Variants in RSF1 observed in about 807,000 individuals in gnomAD.
RSF1 encodes HBV pX-associated protein 8.
A neutral mutation model predicts 145.2 loss-of-function variants in RSF1; 13 were observed. The ratio of observed to expected loss-of-function variants is 0.09; its 90% CI spans 0.06 to 0.14. The LOEUF is 0.14. Ranked by LOEUF, RSF1 falls within the 10% of genes least tolerant of loss-of-function variation. The pLI is 1.00. For synonymous variants in RSF1, 577 were observed against 592.6 expected, an observed-to-expected ratio of 0.97 and a Z score of 0.38; for missense variants, 1,517 against 1,718.2, an observed-to-expected ratio of 0.88 and a Z score of 2.07.
At chr11:77,829,438 A>T in the RSF1 span, among the ~76,000 whole-genome samples, 8 of 152,194 alleles carry the variant, frequency 5.3e-5, no homozygotes, top group African/African-American at 1.9e-4. Flanking sequence ...CAGAATGGAG[A>T]CTCACATATA....
At position 77,662,177 on chromosome 11, in the gene RSF1, C is replaced by T. The variant is rs977739443; in HGVS notation, c.*4740G>A. 5 of 151,970 alleles carry T rather than the reference C, an allele frequency of 3.3e-5. No individual in the cohort carries two copies. Among genetic ancestry groups the T allele is most frequent in the African/African-American group, 1.2e-4 (5 of 41,372 alleles). 9.4% of individuals were successfully genotyped at this position (151,970 alleles called of 1,614,324 possible). A position where few individuals can be genotyped will look rare whatever the true frequency, so the allele number is the denominator to read the frequency against. On this transcript the variant is annotated 3_prime_UTR_variant, in exon 16 of 16. Transcript: ENST00000308488. ...TTCTACTCATCTATTGTTATGCCCT[C>T]TTATATAACTTATGTATAGGATAGT... is the stretch of plus-strand genomic sequence containing the variant.
intron 4 of RSF1, among the ~76,000 whole-genome samples, chr11:77,736,700 A>G (rs1352287896): frequency 6.6e-6 from 1 of 152,216 alleles, no homozygotes; most frequent in Non-Finnish European, 1.5e-5. Context: ...TAATATGCAT[A>G]AACACACCCA....
At position 77,663,459 on chromosome 11, in the gene RSF1, A is replaced by G. The variant is rs1445058809; in HGVS notation, c.*3458T>C. ...CCTTTTAAAATTAATTTGTTTAAAA[A>G]TTATTTTTCAAAAGCTTCATTAGCA... On this transcript the variant is annotated 3_prime_UTR_variant, in exon 16 of 16. Coordinates refer to ENST00000308488, the MANE Select transcript of RSF1 (RefSeq NM_016578.4). 1 of 152,192 alleles carries G rather than the reference A, an allele frequency of 6.6e-6. No homozygotes were observed. The highest frequency in any genetic ancestry group is 1.5e-5 in the Non-Finnish European group (1 of 68,026). The allele number at this position is 152,192 out of a possible 1,614,324, so 9.4% of individuals were successfully genotyped here.
At chr11:77,749,069 G>T (rs538736742) in intron 2 of RSF1, among the ~76,000 whole-genome samples, 1 of 152,276 alleles carries the variant, frequency 6.6e-6, no homozygotes, top group South Asian at 2.1e-4. Flanking sequence ...GCCACATATT[G>T]CATGATTCCA....
Position 77,683,737 on chromosome 11 carries a change from G to A in RSF1, c.3038C>T (p.Thr1013Ile). 1.2e-6 allele frequency: 2 copies of A among 1,612,658 alleles called. No individual in the cohort carries two copies. Among genetic ancestry groups the A allele is most frequent in the Non-Finnish European group, 1.7e-6 (2 of 1,179,260 alleles). Residue 1013 changes from threonine to isoleucine, a missense_variant, in exon 11 of 16, where the codon ACA becomes ATA. Coordinates refer to ENST00000308488, the MANE Select transcript of RSF1 (RefSeq NM_016578.4). Reference protein sequence around the residue: ...SKANLLERRSTRTRKCISYRF... With the variant: ...SKANLLERRSIRTRKCISYRF... ...GTAGCTTATACATTTCCTTGTTCTT[G>A]TTGACCTCCTTTCAAGCAAGTTTGC...
chr11:77,701,561 T>C lies in RSF1; in HGVS notation c.1668A>G (p.Leu556=), dbSNP rs1206881579. 1.9e-6 allele frequency: 3 copies of C among 1,613,936 alleles called. No homozygotes were observed. Among genetic ancestry groups the C allele is most frequent in the South Asian group, 2.2e-5 (2 of 91,066 alleles). The stretch of plus-strand genomic sequence containing the variant: ...TCATGGTACACGACTCGGTGGAAGA[T>C]AAAGCAGTTTTTGAAGAGAGATCTT... ...MAKDLSSKTA[L]SSTESCTMKG... Residue 556 remains leucine (L), a synonymous_variant, in exon 6 of 16, where the codon TTA becomes TTG. Transcript: ENST00000308488.
chr11:77,791,996 G>A (rs984393689), intron 1 of RSF1, among the ~76,000 whole-genome samples: 2 of 152,160 alleles, frequency 1.3e-5, no homozygotes, highest in African/African-American at 2.4e-5. Flanking sequence ...CCAAGTTACT[G>A]TATTACTCTG....
chr11:77,792,431 C>A (rs1193186417), intron 1 of RSF1, among the ~76,000 whole-genome samples: 1 of 152,070 alleles, frequency 6.6e-6, no homozygotes, highest in African/African-American at 2.4e-5. Flanking sequence ...CAAGAATCGG[C>A]CTGTCTGTAC....
At chr11:77,704,942 G>T (rs1287842953) in intron 5 of RSF1, among the ~76,000 whole-genome samples, 1 of 151,884 alleles carries the variant, frequency 6.6e-6, no homozygotes, top group Non-Finnish European at 1.5e-5. Context: ...GTAGAGGCGG[G>T]GTTTCTCCAT....
At chr11:77,838,615 C>CTTT in the RSF1 span, among the ~76,000 whole-genome samples, 15,494 of 129,048 alleles carry the variant, frequency 0.12, 1,092 homozygotes, top group Admixed American at 0.16. Flanking sequence ...ATACAAGTAC[C>CTTT]TTTTTTTTTT....
the RSF1 span, among the ~76,000 whole-genome samples, chr11:77,871,734 A>AACTC: frequency 4.6e-5 from 7 of 152,376 alleles, no homozygotes; most frequent in Non-Finnish European, 1.0e-4. Context: ...AGTTTAGACT[A>AACTC]ACTCAAACAT....
intron 1 of RSF1, among the ~76,000 whole-genome samples, chr11:77,818,733 C>A (rs1461074857): frequency 2.0e-5 from 3 of 152,122 alleles, no homozygotes; most frequent in Admixed American, 6.6e-5. Context: ...GAGCCCAGAT[C>A]CTGCCACTGC....
At chr11:77,787,281 G>A (rs1032434749) in intron 1 of RSF1, among the ~76,000 whole-genome samples, 1 of 151,990 alleles carries the variant, frequency 6.6e-6, no homozygotes, top group Non-Finnish European at 1.5e-5. Flanking sequence ...AGCAACAGGG[G>A]GTCAGCAAAT....
intron 1 of RSF1, among the ~76,000 whole-genome samples, chr11:77,794,342 T>C (rs1240937722): frequency 2.0e-5 from 3 of 152,034 alleles, no homozygotes; most frequent in Non-Finnish European, 4.4e-5. Context: ...CAGTCCACAA[T>C]GGAATAAAAT....
chr11:77,787,062 A>G (rs1474663988), intron 1 of RSF1, among the ~76,000 whole-genome samples: 1 of 152,224 alleles, frequency 6.6e-6, no homozygotes, highest in Admixed American at 6.5e-5. Context: ...AGAGCTGCAG[A>G]GAGTACTCTG....
At chr11:77,852,320 A>T in the RSF1 span, among the ~76,000 whole-genome samples, 1 of 151,824 alleles carries the variant, frequency 6.6e-6, no homozygotes, top group African/African-American at 2.4e-5. Context: ...TGTCAATTTG[A>T]CATACGGAAT....
rs535780073 is a variant in RSF1 at position 77,678,211 on chromosome 11, T to A, written c.3066-58A>T. ...GTCCTGGCTTTTTTTTTTTTTTTTT[T>A]AATTATTTTTATTTATTTATTTTTG... is the stretch of plus-strand genomic sequence containing the variant. On this transcript the variant is annotated intron_variant, in intron 11 of 15. Transcript: ENST00000308488. 4.1e-4 allele frequency: 246 copies of A among 597,826 alleles called. 4 individuals carry two copies. Among genetic ancestry groups the A allele is most frequent in the South Asian group, 1.4e-3 (41 of 30,148 alleles). The allele number at this position is 597,826 out of a possible 1,614,324, so 37.0% of individuals were successfully genotyped here.
At position 77,666,166 on chromosome 11, in the gene RSF1, A is replaced by T. The variant is rs1459011913; in HGVS notation, c.*751T>A. 1 of 152,166 alleles carries T rather than the reference A, an allele frequency of 6.6e-6. No homozygotes were observed. Among genetic ancestry groups the T allele is most frequent in the African/African-American group, 2.4e-5 (1 of 41,440 alleles). 9.4% of individuals were successfully genotyped at this position (152,166 alleles called of 1,614,324 possible). A position where few individuals can be genotyped will look rare whatever the true frequency, so the allele number is the denominator to read the frequency against. ...TATTACCACTGCATAAAGCTTATTT[A>T]AAAAAATTTGTTGCTAGCACAGTCT... On this transcript the variant is annotated 3_prime_UTR_variant, in exon 16 of 16. Coordinates refer to ENST00000308488, the MANE Select transcript of RSF1 (RefSeq NM_016578.4).
At chr11:77,729,971 AG>A (rs1253762872) in intron 4 of RSF1, among the ~76,000 whole-genome samples, 1 of 150,308 alleles carries the variant, frequency 6.7e-6, no homozygotes, top group African/African-American at 2.4e-5. Flanking sequence ...TAATATCAAT[AG>A]CAGTACTATT....
Sources: allele counts gnomAD v4.1 joint callset (sites outside exome capture counted in the v4.1 genomes callset), GRCh38; gene constraint gnomAD v4.1.1; transcripts MANE v1.5; gene names NCBI Gene and HGNC (gene_info 2026-07-23, HGNC 2026-07-21).